BCR: variants seen among roughly 807,000 people sequenced by gnomAD.
BCR encodes the protein BCR activator of RhoGEF and GTPase, also known as breakpoint cluster region protein.
A neutral mutation model predicts 138.6 loss-of-function variants in BCR; 58 were observed. The observed-to-expected ratio is 0.42, with a 90% confidence interval of 0.34 to 0.52. The LOEUF (loss-of-function observed/expected upper bound fraction) is 0.52. Ranked by LOEUF, BCR falls within the 20% of genes least tolerant of loss-of-function variation. BCR has a pLI of 0.06. For missense variants in BCR, 1,599 were observed against 1,727.2 expected, an observed-to-expected ratio of 0.93 and a Z score of 1.32; for synonymous variants, 786 against 730.1, an observed-to-expected ratio of 1.08 and a Z score of -1.23.
intron 8 of BCR, among the ~76,000 whole-genome samples, chr22:23,278,242 A>G (rs937253145): frequency 3.2e-4 from 49 of 152,308 alleles, no homozygotes; most frequent in African/African-American, 1.2e-3. Flanking sequence ...CCAGCCAGGC[A>G]TTGACCTCCA....
Position 23,181,914 on chromosome 22 carries a change from C to G in BCR, c.954C>G (p.Pro318=), listed in dbSNP as rs144639320. 6 of 1,613,474 alleles carry G rather than the reference C, an allele frequency of 3.7e-6. No individual in the cohort carries two copies. The highest frequency in any genetic ancestry group is 2.2e-5 in the East Asian group (1 of 44,886). The change falls in exon 1 of 23, where the codon CCC becomes CCG. Residue 318 remains proline, a synonymous_variant. Coordinates refer to ENST00000305877, the MANE Select transcript of BCR (RefSeq NM_004327.4). ...RLTWPRRSYS[P]RSFEDCGGGY... Reference sequence around the variant, plus strand: ...CCTGGCCCCGCAGGTCCTACTCCCCCCGGAGTTTTGAGGATTGCGGAGGCG... The same window carrying G: ...CCTGGCCCCGCAGGTCCTACTCCCCGCGGAGTTTTGAGGATTGCGGAGGCG...
intron 1 of BCR, among the ~76,000 whole-genome samples, chr22:23,211,458 A>G (rs1323983178): frequency 6.7e-6 from 1 of 150,310 alleles, no homozygotes; most frequent in Non-Finnish European, 1.5e-5. Flanking sequence ...TTGGCCTCCT[A>G]AAGTGCTGGG....
intron 16 of BCR, among the ~76,000 whole-genome samples, chr22:23,299,852 G>A (rs2073885211): frequency 6.6e-6 from 1 of 152,112 alleles, no homozygotes; most frequent in South Asian, 2.1e-4. Flanking sequence ...CAAGCCTGGG[G>A]CTTCTCCACC....
At chr22:23,223,249 CAAG>C (rs894495506) in intron 1 of BCR, among the ~76,000 whole-genome samples, 7 of 152,126 alleles carry the variant, frequency 4.6e-5, no homozygotes, top group Non-Finnish European at 8.8e-5. Context: ...AGCAGTGTGA[CAAG>C]AACTCCACTA....
In BCR at chr22:23,196,055, T is replaced by C. The variant is rs1206115905; in HGVS notation, c.1279+13816T>C. Among the ~76,000 whole-genome samples, 7 of 152,332 alleles carry C rather than the reference T, an allele frequency of 4.6e-5. No homozygotes were observed. The East Asian group carries it at 1.3e-3, about 29-fold the overall frequency. ...TGCAGTCACCATGATCCCTTCTCTC[T>C]CCTTCATTTTTAATGTGTGTTTTTT... On this transcript the variant is annotated intron_variant, in intron 1 of 22. Coordinates refer to ENST00000305877, the MANE Select transcript of BCR (RefSeq NM_004327.4).
intron 16 of BCR, among the ~76,000 whole-genome samples, chr22:23,303,931 C>CTTTTTTT (rs131683): frequency 1.9e-5 from 2 of 106,174 alleles, no homozygotes; most frequent in African/African-American, 3.9e-5. Context: ...TCCTTGTTGC[C>CTTTTTTT]TTTTTTTTTT....
At chr22:23,288,342 C>T (rs536472113) in intron 12 of BCR, among the ~76,000 whole-genome samples, 170 bp downstream of exon 12, 1 of 152,206 alleles carries the variant, frequency 6.6e-6, no homozygotes, top group Non-Finnish European at 1.5e-5. Flanking sequence ...CCGATAGGCC[C>T]CCAGCCCTCT....
At chr22:23,197,549 C>T (rs1335986617) in intron 1 of BCR, among the ~76,000 whole-genome samples, 1 of 152,110 alleles carries the variant, frequency 6.6e-6, no homozygotes, top group Non-Finnish European at 1.5e-5. Context: ...ACTGTATGCT[C>T]AGAAAGTAGC....
In BCR at chr22:23,182,009, C is replaced by T; in HGVS notation, c.1049C>T (p.Ser350Phe). 1.2e-6 allele frequency: 2 copies of T among 1,613,078 alleles called. No homozygotes were observed. The highest frequency in any genetic ancestry group is 1.7e-6 in the Non-Finnish European group (2 of 1,179,522). Residue 350 changes from serine (S) to phenylalanine (F), a missense_variant, in exon 1 of 23, where the codon TCC becomes TTC. Coordinates refer to ENST00000305877, the MANE Select transcript of BCR (RefSeq NM_004327.4). ...GAGGAGGACTTCTCCTCTGGCCAGT[C>T]CAGCCGCGTGTCCCCAAGCCCCACC... is the stretch of plus-strand genomic sequence containing the variant. ...SSEEDFSSGQ[S>F]SRVSPSPTTY...
intron 10 of BCR, 140 bp from the exon 11 acceptor site, chr22:23,287,019 G>A (rs1266882950): frequency 2.1e-6 from 3 of 1,430,672 alleles, no homozygotes; most frequent in Non-Finnish European, 2.8e-6. Flanking sequence ...GCGGTCTGGG[G>A]CCCTGGTCTG....
At chr22:23,287,020 C>A in intron 10 of BCR, 139 bp from the exon 11 acceptor site, 1 of 1,434,298 alleles carries the variant, frequency 7.0e-7, no homozygotes, top group Non-Finnish European at 9.4e-7. Flanking sequence ...CGGTCTGGGG[C>A]CCTGGTCTGT....
At chr22:23,296,561 G>A (rs1027159296) in intron 16 of BCR, among the ~76,000 whole-genome samples, 6 of 152,102 alleles carry the variant, frequency 3.9e-5, no homozygotes, top group African/African-American at 1.4e-4. Flanking sequence ...CTTCGGAGGT[G>A]CAGCTACTGC....
chr22:23,236,917 G>A (rs2073032969), intron 1 of BCR, among the ~76,000 whole-genome samples: 1 of 152,078 alleles, frequency 6.6e-6, no homozygotes, highest in South Asian at 2.1e-4. Flanking sequence ...CTCTGGCAGG[G>A]GGTAGCTGTG....
At chr22:23,220,099 G>A (rs1191490127) in intron 1 of BCR, among the ~76,000 whole-genome samples, 2 of 152,200 alleles carry the variant, frequency 1.3e-5, no homozygotes, top group African/African-American at 2.4e-5. Flanking sequence ...GTGTGGGCAC[G>A]GTTCCCTCTA....
At chr22:23,298,551 C>CCTTCCTTTT (rs910341056) in intron 16 of BCR, among the ~76,000 whole-genome samples, 14 of 146,040 alleles carry the variant, frequency 9.6e-5, no homozygotes, top group Admixed American at 9.5e-4. Context: ...TCCTTCCCTT[C>CCTTCCTTTT]CTTCCTTTTC....
At chr22:23,312,780 C>G in intron 19 of BCR, 107 bp from the exon 20 acceptor site, 1 of 1,348,620 alleles carries the variant, frequency 7.4e-7, no homozygotes, top group Non-Finnish European at 1.0e-6. Context: ...AGGAGGGACC[C>G]GCACAGTGGT....
intron 1 of BCR, among the ~76,000 whole-genome samples, chr22:23,187,850 T>C (rs1328374916): frequency 6.6e-6 from 1 of 152,236 alleles, no homozygotes; most frequent in African/African-American, 2.4e-5. Context: ...TTCTTCCAGG[T>C]GTCAGTTGTG....
Position 23,297,207 on chromosome 22 carries a change from G to GTTTTTTTT in BCR, c.3012+2058_3012+2059insTTTTTTTT, listed in dbSNP as rs1307353327. Among the ~76,000 whole-genome samples, 214 of 97,358 alleles carry GTTTTTTTT rather than the reference G, an allele frequency of 2.2e-3. 17 individuals carry two copies. Among genetic ancestry groups the GTTTTTTTT allele is most frequent in the Admixed American group, 0.016 (148 of 9,006 alleles). The allele number at this position is 97,358 out of a possible 152,430, so 63.9% of individuals were successfully genotyped here. A position where few individuals can be genotyped will look rare whatever the true frequency, so the allele number is the denominator to read the frequency against. ...GTGCCCCACCATGCCTGGCTAAGTT[G>GTTTTTTTT]TTTTTTGTTTTTTGTTTTTTTTTTT... On this transcript the variant is annotated intron_variant, in intron 16 of 22. Coordinates refer to ENST00000305877, the MANE Select transcript of BCR (RefSeq NM_004327.4).
chr22:23,263,091 C>A, intron 4 of BCR: 1 of 705,184 alleles, frequency 1.4e-6, no homozygotes, highest in Non-Finnish European at 2.3e-6. Flanking sequence ...AGTACAAGGA[C>A]AAGGAGGTCA....
Sources: allele counts gnomAD v4.1 joint callset (sites outside exome capture counted in the v4.1 genomes callset), GRCh38; gene constraint gnomAD v4.1.1; transcripts MANE v1.5; gene names NCBI Gene and HGNC (gene_info 2026-07-23, HGNC 2026-07-21).